The following RABGEF1 variants were observed in gnomAD, a reference collection of about 807,000 sequenced individuals.
The protein encoded by RABGEF1 is RAB guanine nucleotide exchange factor 1, also known as rab5 GDP/GTP exchange factor.
RABGEF1 carries 26 observed loss-of-function variants against 57.3 expected under a neutral mutation model. That is an observed-to-expected ratio of 0.45 (90% CI 0.33 to 0.63). The LOEUF (loss-of-function observed/expected upper bound fraction) is 0.63, where lower values mean the gene tolerates loss of function less well. RABGEF1 is among the 20% of genes least tolerant of loss of function. The probability of loss-of-function intolerance (pLI) is 0.02; values close to 1 mark genes in which losing one functional copy is unlikely to be tolerated. For missense variants in RABGEF1, 464 were observed against 607.6 expected (o/e 0.76, Z 2.48); for synonymous variants, 185 against 210.7 (o/e 0.88, Z 1.06).
At chr7:66,790,566 C>G (rs1812408757) in intron 4 of RABGEF1, among the ~76,000 whole-genome samples, 1 of 152,156 alleles carries the variant, frequency 6.6e-6, no homozygotes, top group Non-Finnish European at 1.5e-5. Flanking sequence ...CCCCTTAGCG[C>G]CGCCCTTGTT....
chr7:66,713,144 C>CTT (rs575223946), intron 2 of RABGEF1, among the ~76,000 whole-genome samples: 10 of 137,882 alleles, frequency 7.3e-5, no homozygotes, highest in East Asian at 2.3e-4. Flanking sequence ...CTTTTCTTTT[C>CTT]TTTTTTTTTT....
At chr7:66,701,567 G>T (rs1793272197) in intron 1 of RABGEF1, among the ~76,000 whole-genome samples, 1 of 149,470 alleles carries the variant, frequency 6.7e-6, no homozygotes. Context: ...GGAGTGCAAT[G>T]GTGTAGTCTC....
chr7:66,670,570 C>T, the RABGEF1 span, among the ~76,000 whole-genome samples: 1,047 of 150,060 alleles, frequency 7.0e-3, 14 homozygotes, highest in African/African-American at 0.024. Flanking sequence ...TTTAGCTGGG[C>T]GCGGTGGCTC....
chr7:66,767,883 A>C (rs1562816918), intron 1 of RABGEF1, among the ~76,000 whole-genome samples: 1 of 152,232 alleles, frequency 6.6e-6, no homozygotes, highest in Non-Finnish European at 1.5e-5. Context: ...GAAGGAACTA[A>C]GATGCTGGCT....
rs116820619 is a variant in RABGEF1, at chr7:66,718,002, T to A, written c.-815+5778T>A. Among the ~76,000 whole-genome samples, 1,162 of 152,320 alleles carry A rather than the reference T, an allele frequency of 7.6e-3. 18 individuals carry two copies. The highest frequency in any genetic ancestry group is 0.026 in the African/African-American group (1,093 of 41,574). ...TTTGGTTCTTTTTTGTATCTTCTAT[T>A]TTCCTGCTGAGGGTTTCTATCATTC... On this transcript the variant is annotated intron_variant and NMD_transcript_variant, in intron 2 of 9. Coordinates refer to the RABGEF1 transcript ENST00000607882.
intron 1 of RABGEF1, among the ~76,000 whole-genome samples, chr7:66,742,307 G>C (rs1799176405): frequency 6.6e-6 from 1 of 152,188 alleles, no homozygotes; most frequent in South Asian, 2.1e-4. Context: ...AAATGTTCAG[G>C]ATTTGAATTT....
intron 1 of RABGEF1, among the ~76,000 whole-genome samples, chr7:66,690,564 A>C (rs1384025760): frequency 6.6e-6 from 1 of 150,690 alleles, no homozygotes. Context: ...AAAATACAAA[A>C]ATTAGCTGGG....
intron 1 of RABGEF1, 78 bp downstream of exon 1, chr7:66,740,870 G>C (rs1197124670): frequency 2.0e-5 from 3 of 152,206 alleles, no homozygotes; most frequent in Non-Finnish European, 4.4e-5. Flanking sequence ...GTCTCGGGCT[G>C]GGGGTGGCAG....
At chr7:66,738,939 C>T (rs1260144483), upstream of RABGEF1, among the ~76,000 whole-genome samples, 5 of 151,898 alleles carry the variant, frequency 3.3e-5, no homozygotes, top group African/African-American at 1.2e-4. Flanking sequence ...AGCACAGGTA[C>T]TTTGTGTTTT....
intron 2 of RABGEF1, among the ~76,000 whole-genome samples, chr7:66,719,568 A>G (rs534016765): frequency 6.6e-6 from 1 of 152,246 alleles, no homozygotes; most frequent in South Asian, 2.1e-4. Flanking sequence ...AAATCCTTTC[A>G]AATAATTAAG....
chr7:66,799,019 G>A (rs1449398255), intron 6 of RABGEF1, among the ~76,000 whole-genome samples: 1 of 152,216 alleles, frequency 6.6e-6, no homozygotes, highest in East Asian at 1.9e-4. Flanking sequence ...AGGACAGGCA[G>A]CAGCCAATTC....
At chr7:66,674,192 C>CTT in the RABGEF1 span, among the ~76,000 whole-genome samples, 1,668 of 139,270 alleles carry the variant, frequency 0.012, 50 homozygotes, top group East Asian at 0.088. Flanking sequence ...CCACTAAAGG[C>CTT]TTTTTTTTTT....
the RABGEF1 span, among the ~76,000 whole-genome samples, chr7:66,671,734 A>G: frequency 6.6e-6 from 1 of 151,218 alleles, no homozygotes; most frequent in Non-Finnish European, 1.5e-5. Context: ...AGGTGGGAGG[A>G]TTGGTTGAGC....
chr7:66,774,653 G>A (rs1341546360), intron 2 of RABGEF1, among the ~76,000 whole-genome samples: 2 of 152,116 alleles, frequency 1.3e-5, no homozygotes, highest in East Asian at 3.8e-4. Flanking sequence ...CCAATAACTT[G>A]GGAGGCTGAG....
chr7:66,672,003 A>G, the RABGEF1 span, among the ~76,000 whole-genome samples: 1 of 151,682 alleles, frequency 6.6e-6, no homozygotes, highest in African/African-American at 2.4e-5. Context: ...TTTTGTAGGA[A>G]TGAGGTTTCA....
chr7:66,690,968 A>G (rs1228044138), intron 1 of RABGEF1, among the ~76,000 whole-genome samples: 1 of 151,542 alleles, frequency 6.6e-6, no homozygotes. Flanking sequence ...GGGAGCGCCT[A>G]TAATCCCAGC....
At chr7:66,690,951 T>C (rs1303438582) in intron 1 of RABGEF1, among the ~76,000 whole-genome samples, 1 of 147,458 alleles carries the variant, frequency 6.8e-6, no homozygotes, top group African/African-American at 2.5e-5. Flanking sequence ...ATTAGCCGAG[T>C]GTGGTGGGGA....
At position 66,805,347 on chromosome 7, in the gene RABGEF1, A is replaced by G. The variant is rs1201209956; in HGVS notation, c.1028A>G (p.Asn343Ser). The part of the protein sequence containing the change: ...SNIQYITRFC[N>S]PSRLMTGEDG... ...ATCCAGTATATCACGCGCTTCTGCA[A>G]TCCAAGCCGACTGATGACTGGAGAG... The change falls in exon 8 of 9, where the codon AAT (asparagine) becomes AGT (serine). Residue 343 changes from asparagine to serine, a missense_variant. Asn to Ser is a conservative substitution (Grantham distance 46). Around this residue, in one of 4 missense-constraint regions of RABGEF1, gnomAD observed 284 missense variants for 389.9 expected, o/e 0.73. Transcript: ENST00000284957. 6.2e-7 allele frequency: 1 copy of G among 1,614,196 alleles called. No individual in the cohort carries two copies.
chr7:66,710,724 G>A (rs982492202), intron 1 of RABGEF1, among the ~76,000 whole-genome samples: 1 of 152,220 alleles, frequency 6.6e-6, no homozygotes, highest in African/African-American at 2.4e-5. Context: ...GCCTGAGCAA[G>A]TTGGGGAAAT....
Sources: gnomAD v4.1 joint callset for allele counts (sites outside exome capture counted in the v4.1 genomes callset) on GRCh38, gnomAD v4.1.1 for gene constraint, gnomAD v4.1.1 regional missense constraint, MANE v1.5 for transcripts, NCBI Gene and HGNC (gene_info 2026-07-23, HGNC 2026-07-21) for gene names.